SOS2: variants seen among roughly 807,000 people sequenced by gnomAD.
The protein encoded by SOS2 is son of sevenless homolog 2.
Under a neutral mutation model 148.2 loss-of-function variants are expected in SOS2, and 65 were observed. The ratio of observed to expected loss-of-function variants is 0.44; its 90% CI spans 0.36 to 0.54. The LOEUF is 0.54. SOS2 is among the 20% of genes least tolerant of loss of function. The pLI is 0.00. For missense variants in SOS2, 1,341 were observed against 1,590.2 expected, an observed-to-expected ratio of 0.84 and a Z score of 2.67; for synonymous variants, 539 against 537.1, an observed-to-expected ratio of 1.00 and a Z score of -0.05.
rs116780572 is a variant in SOS2 at position 50,184,041 on chromosome 14, T to C, written c.715-1435A>G. Among the ~76,000 whole-genome samples the C allele has an allele frequency of 5.8e-3, 878 of 152,318 alleles. 11 individuals carry two copies. Among genetic ancestry groups the C allele is most frequent in the African/African-American group, 0.019 (787 of 41,562 alleles). On this transcript the variant is annotated intron_variant, in intron 5 of 22. Transcript: ENST00000216373. ...TACTGTAGGTAACTGTAACACAATG[T>C]TAAGTATTTGTGTATCTAAACATAT...
intron 8 of SOS2, among the ~76,000 whole-genome samples, chr14:50,166,303 T>A (rs1206037244): frequency 6.6e-6 from 1 of 152,084 alleles, no homozygotes; most frequent in Non-Finnish European, 1.5e-5. Context: ...GCTCACTGCA[T>A]CCTCGATGTC....
intron 1 of SOS2, among the ~76,000 whole-genome samples, chr14:50,229,959 T>C (rs867458161): frequency 2.0e-4 from 31 of 152,318 alleles, no homozygotes; most frequent in Admixed American, 3.9e-4. Context: ...GGGCTGCACA[T>C]GGAAGTAAGG....
intron 1 of SOS2, among the ~76,000 whole-genome samples, chr14:50,227,446 T>C (rs906483651): frequency 6.6e-6 from 1 of 151,336 alleles, no homozygotes; most frequent in Admixed American, 6.6e-5. Context: ...AGAGTCTTAC[T>C]CCATCGCCCA....
upstream of SOS2, chr14:50,231,601 C>A: frequency 6.5e-6 from 1 of 153,060 alleles, no homozygotes; most frequent in South Asian, 1.8e-4. Flanking sequence ...CCTCCTTTGT[C>A]TGGGTTCGCG....
intron 14 of SOS2, among the ~76,000 whole-genome samples, chr14:50,146,134 CAA>C (rs775495958): frequency 1.3e-4 from 11 of 85,134 alleles, no homozygotes; most frequent in Admixed American, 1.2e-4. Flanking sequence ...GCTCTGTCTC[CAA>C]AAAAAAAAAA....
chr14:50,173,668 G>A (rs1411287321), intron 8 of SOS2, among the ~76,000 whole-genome samples: 4 of 152,004 alleles, frequency 2.6e-5, no homozygotes, highest in Admixed American at 6.6e-5. Context: ...TGATCCACCC[G>A]CCTCGGCCTC....
At chr14:50,138,499 G>C (rs1884159453) in intron 18 of SOS2, 113 bp downstream of exon 18, 2 of 491,452 alleles carry the variant, frequency 4.1e-6, no homozygotes, top group East Asian at 6.5e-5. Flanking sequence ...AAATTATTAT[G>C]GACTGTAGTC....
chr14:50,128,192 T>C (rs1041704980), intron 21 of SOS2, among the ~76,000 whole-genome samples: 3 of 151,334 alleles, frequency 2.0e-5, no homozygotes, highest in African/African-American at 7.3e-5. Flanking sequence ...AGGATGACAA[T>C]GAAAGAAAGT....
rs1884432722 is a variant in SOS2 at position 50,145,296 on chromosome 14, C to T, written c.2541G>A (p.Val847=). The change falls in exon 16 of 23, where the codon GTG becomes GTA. Residue 847 remains valine (V), a synonymous_variant. Coordinates refer to ENST00000216373, the MANE Select transcript of SOS2 (RefSeq NM_006939.4). ...IVEAENFEER[V]AVLSRIIEIL... ...TTTCTATAATTCTACTTAGTACTGCCACCCGTTCTTCAAAATTTTCTGCTT... is the reference window on the plus strand; with the variant it reads ...TTTCTATAATTCTACTTAGTACTGCTACCCGTTCTTCAAAATTTTCTGCTT... 3 of 1,602,652 alleles carry T rather than the reference C, an allele frequency of 1.9e-6. No individual in the cohort carries two copies. The Admixed American group carries it at 5.3e-5, about 28-fold the overall frequency.
intron 14 of SOS2, among the ~76,000 whole-genome samples, chr14:50,147,971 T>C (rs1222156981): frequency 6.6e-6 from 1 of 152,148 alleles, no homozygotes; most frequent in African/African-American, 2.4e-5. Context: ...TTCTTTTTAA[T>C]TGACTGGTGG....
chr14:50,153,012 A>T lies in SOS2; in HGVS notation c.2161+58T>A, dbSNP rs538303826. The T allele has an allele frequency of 2.6e-5, 21 of 816,842 alleles. No homozygotes were observed. The African/African-American group carries it at 3.5e-4, about 14-fold the overall frequency. The allele number at this position is 816,842 out of a possible 1,614,324, so 50.6% of individuals were successfully genotyped here. Reference sequence around the variant, plus strand: ...TGTTTTAGTTTCTTAAAGTCACACAAATTTGAACATAAACTCATGTTCAAT... The same window carrying T: ...TGTTTTAGTTTCTTAAAGTCACACATATTTGAACATAAACTCATGTTCAAT... On this transcript the variant is annotated intron_variant, in intron 13 of 22. Transcript: ENST00000216373.
At chr14:50,158,539 A>G (rs1236873707) in intron 11 of SOS2, 26 bp downstream of exon 11, 4 of 1,389,316 alleles carry the variant, frequency 2.9e-6, no homozygotes, top group Middle Eastern at 1.8e-4. Context: ...AAATGTCAAT[A>G]TAACTGAAAT....
intron 21 of SOS2, among the ~76,000 whole-genome samples, chr14:50,128,674 A>ATC (rs1566818351): frequency 6.6e-6 from 1 of 152,238 alleles, no homozygotes; most frequent in Non-Finnish European, 1.5e-5. Context: ...GGAGAACAAG[A>ATC]AAAGGAGTGG....
At chr14:50,144,562 G>A (rs963634986) in intron 16 of SOS2, among the ~76,000 whole-genome samples, 1 of 151,778 alleles carries the variant, frequency 6.6e-6, no homozygotes, top group Non-Finnish European at 1.5e-5. Flanking sequence ...CTCAGCCTCC[G>A]AAGTAGCTGG....
At position 50,138,727 on chromosome 14, in the gene SOS2, T is replaced by C. The variant is rs758960743; in HGVS notation, c.2843A>G (p.Lys948Arg). Residue 948 changes from lysine (K) to arginine (R), a missense_variant, in exon 18 of 23, where the codon AAG becomes AGG. Lys to Arg is a conservative substitution (Grantham distance 26). This residue lies in a region of SOS2 where 408 missense variants were observed against 506.6 expected (regional missense o/e 0.81). Coordinates refer to ENST00000216373, the MANE Select transcript of SOS2 (RefSeq NM_006939.4). ...TEEGNNDFLK[K>R]KGKDLINFSK... ...GAAATTGATTAAATCTTTCCCTTTC[T>C]TTTTTAAAAAATCATTATTCCCTTC... 3 of 1,295,062 alleles carry C rather than the reference T, an allele frequency of 2.3e-6. No individual in the cohort carries two copies. Among genetic ancestry groups the C allele is most frequent in the African/African-American group, 1.5e-5 (1 of 67,390 alleles). The allele number at this position is 1,295,062 out of a possible 1,614,324, so 80.2% of individuals were successfully genotyped here.
chr14:50,145,388 C>G (rs1884434933), intron 15 of SOS2, 56 bp from the exon 16 acceptor site: 1 of 1,562,258 alleles, frequency 6.4e-7, no homozygotes, highest in Non-Finnish European at 8.6e-7. Context: ...ACTTAGAAAA[C>G]AAGATAATTA....
chr14:50,130,305 A>G (rs1206933996), intron 20 of SOS2, among the ~76,000 whole-genome samples, 196 bp downstream of exon 20: 2 of 152,196 alleles, frequency 1.3e-5, no homozygotes, highest in African/African-American at 2.4e-5. Context: ...TGAATGAGTA[A>G]ATTAGAAGAT....
At chr14:50,181,338 C>T (rs1422939055) in intron 6 of SOS2, among the ~76,000 whole-genome samples, 1 of 152,020 alleles carries the variant, frequency 6.6e-6, no homozygotes, top group African/African-American at 2.4e-5. Context: ...ATCCCAGCTA[C>T]TCAGGAGGCT....
chr14:50,190,085 T>G (rs1886080271), intron 4 of SOS2, among the ~76,000 whole-genome samples: 1 of 152,040 alleles, frequency 6.6e-6, no homozygotes, highest in African/African-American at 2.4e-5. Flanking sequence ...GCTTCTGACT[T>G]CAAGTGATCC....
Sources: allele counts gnomAD v4.1 joint callset (sites outside exome capture counted in the v4.1 genomes callset), GRCh38; gene constraint gnomAD v4.1.1; regional missense constraint gnomAD v4.1.1; transcripts MANE v1.5; gene names NCBI Gene and HGNC (gene_info 2026-07-23, HGNC 2026-07-21).